The following TNS1 variants were observed in gnomAD, a reference collection of about 807,000 sequenced individuals.
The protein encoded by TNS1 is tensin-1.
In TNS1, 62 loss-of-function variants were observed where a neutral mutation model predicts 168.6. The observed-to-expected ratio is 0.37, with a 90% CI of 0.30 to 0.45. TNS1 has a LOEUF of 0.45. TNS1 is among the 20% of genes least tolerant of loss of function. TNS1 has a pLI of 1.00. For missense variants in TNS1, 2,240 were observed against 2,339.4 expected (o/e 0.96, Z 0.88); for synonymous variants, 934 against 933.2 (o/e 1.00, Z -0.02).
intron 3 of TNS1, among the ~76,000 whole-genome samples, chr2:217,939,183 T>C (rs1956785466): frequency 6.6e-6 from 1 of 152,198 alleles, no homozygotes; most frequent in Admixed American, 6.5e-5. Context: ...CATTTGATAG[T>C]GAGGAAACTG....
chr2:217,905,875 C>T (rs1279612085), intron 6 of TNS1, among the ~76,000 whole-genome samples: 1 of 152,220 alleles, frequency 6.6e-6, no homozygotes, highest in Admixed American at 6.5e-5. Flanking sequence ...CCAGCCTCCT[C>T]CTGAACCAAT....
At chr2:217,974,707 T>C (rs1957851364) in intron 3 of TNS1, among the ~76,000 whole-genome samples, 2 of 152,228 alleles carry the variant, frequency 1.3e-5, no homozygotes, top group South Asian at 4.1e-4. Flanking sequence ...GTGCCTACTA[T>C]ATGCCAATGT....
chr2:217,886,141 A>C (rs1309664470), intron 13 of TNS1, 37 bp from the exon 14 acceptor site: 1 of 1,611,612 alleles, frequency 6.2e-7, no homozygotes, highest in Admixed American at 1.7e-5. Flanking sequence ...AAGACAGCAG[A>C]AACTGGCAGG....
intron 3 of TNS1, among the ~76,000 whole-genome samples, chr2:217,923,912 T>C (rs1002094445): frequency 5.3e-5 from 8 of 152,050 alleles, no homozygotes; most frequent in African/African-American, 1.9e-4. Context: ...CCACACCCAC[T>C]AGTATTTTCT....
At chr2:217,923,807 C>T (rs914256675) in intron 3 of TNS1, among the ~76,000 whole-genome samples, 16 of 152,216 alleles carry the variant, frequency 1.1e-4, no homozygotes, top group Non-Finnish European at 2.2e-4. Context: ...AGCAGTCTGG[C>T]TCTGGAGGCT....
At chr2:217,875,273 T>C (rs74360735) in intron 18 of TNS1, among the ~76,000 whole-genome samples, 3,510 of 152,178 alleles carry the variant, frequency 0.023, 142 homozygotes, top group African/African-American at 0.078. Flanking sequence ...GAAGGTGGGA[T>C]CATTTGTCAC....
intron 1 of TNS1, among the ~76,000 whole-genome samples, chr2:218,017,734 G>A (rs924899309): frequency 4.6e-5 from 7 of 152,338 alleles, no homozygotes; most frequent in African/African-American, 9.6e-5. Context: ...TGGAGTAATC[G>A]TGAGGATTAA....
intron 1 of TNS1, 123 bp from the exon 2 acceptor site, chr2:217,991,179 T>C: frequency 2.2e-6 from 1 of 455,592 alleles, no homozygotes; most frequent in Non-Finnish European, 4.0e-6. Context: ...CCCCTCAGGG[T>C]CCAGAGGAGG....
chr2:217,830,474 G>A lies in TNS1; in HGVS notation c.3373+981C>T, dbSNP rs367608788. Reference sequence around the variant, plus strand: ...CAGGGAGCAGCTTTCTGAGTTCAGTGGCCCCACATGGCCACCAAGGGCCCA... The same window carrying A: ...CAGGGAGCAGCTTTCTGAGTTCAGTAGCCCCACATGGCCACCAAGGGCCCA... On this transcript the variant is annotated intron_variant, in intron 22 of 32. Coordinates refer to ENST00000682258, the MANE Select transcript of TNS1 (RefSeq NM_001387777.1). 1.9e-4 allele frequency: 284 copies of A among 1,502,568 alleles called. 1 individual carries two copies. The highest frequency in any genetic ancestry group is 2.4e-4 in the Non-Finnish European group (268 of 1,100,864). The allele number at this position is 1,502,568 out of a possible 1,614,324, so 93.1% of individuals were successfully genotyped here.
chr2:217,893,769 C>G (rs1430959877), intron 9 of TNS1, among the ~76,000 whole-genome samples: 1 of 152,262 alleles, frequency 6.6e-6, no homozygotes, highest in Admixed American at 6.5e-5. Context: ...ACTGGGGACC[C>G]TGGTCCCGGG....
At chr2:217,916,312 G>C (rs1341366191) in intron 4 of TNS1, among the ~76,000 whole-genome samples, 1 of 145,786 alleles carries the variant, frequency 6.9e-6, no homozygotes, top group East Asian at 2.0e-4. Context: ...CCCCCACCCT[G>C]ACCTGCAGAC....
chr2:217,881,276 C>T (rs1194603188), intron 17 of TNS1: 1 of 414,576 alleles, frequency 2.4e-6, no homozygotes, highest in East Asian at 4.0e-5. Context: ...TGAAGACCCC[C>T]TGGAAGAAAG....
intron 12 of TNS1, 138 bp downstream of exon 12, chr2:217,890,824 G>A (rs1951671045): frequency 2.4e-6 from 2 of 848,056 alleles, no homozygotes; most frequent in South Asian, 3.2e-5. Flanking sequence ...CACCACTGCA[G>A]GCTGGCATCT....
intron 3 of TNS1, chr2:217,937,220 G>A (rs374208475): frequency 5.5e-5 from 20 of 360,524 alleles, no homozygotes; most frequent in Admixed American, 1.7e-4. Context: ...CGTGTCTCCC[G>A]GTCTTTCCAG....
At chr2:217,894,423 A>T (rs1480511437) in intron 9 of TNS1, among the ~76,000 whole-genome samples, 1 of 152,218 alleles carries the variant, frequency 6.6e-6, no homozygotes, top group African/African-American at 2.4e-5. Context: ...TTGGGAGGCC[A>T]AGGTGGGCAG....
chr2:217,805,562 C>CACCATCACGCA (rs1286407035), intron 32 of TNS1, among the ~76,000 whole-genome samples: 1 of 1,438 alleles, frequency 7.0e-4, no homozygotes. Flanking sequence ...ACCACACACA[C>CACCATCACGCA]CACCACACAC....
At chr2:218,004,939 C>G (rs1958645865), upstream of TNS1, among the ~76,000 whole-genome samples, 1 of 152,246 alleles carries the variant, frequency 6.6e-6, no homozygotes, top group African/African-American at 2.4e-5. Context: ...TGTCCATAGA[C>G]AGAAACCTCT....
At chr2:218,007,589 C>A (rs919925488), upstream of TNS1, among the ~76,000 whole-genome samples, 48 of 147,364 alleles carry the variant, frequency 3.3e-4, no homozygotes, top group Middle Eastern at 3.6e-3. Context: ...TCAGCCAGGT[C>A]TTGCTTGGCA....
chr2:218,024,557 C>T (rs1022388228), intron 1 of TNS1, among the ~76,000 whole-genome samples: 11 of 152,116 alleles, frequency 7.2e-5, no homozygotes, highest in Non-Finnish European at 1.0e-4. Context: ...GGCCTCAGCT[C>T]AGTGCCCAGA....
Sources: gnomAD v4.1 joint callset for allele counts (sites outside exome capture counted in the v4.1 genomes callset) on GRCh38, gnomAD v4.1.1 for gene constraint, MANE v1.5 for transcripts, NCBI Gene and HGNC (gene_info 2026-07-23, HGNC 2026-07-21) for gene names.